Variants in EPHB1 observed in about 807,000 individuals in gnomAD.
EPHB1 encodes the protein EPH receptor B1.
In EPHB1, 30 loss-of-function variants were observed where a neutral mutation model predicts 94.4. The ratio of observed to expected loss-of-function variants is 0.32; its 90% confidence interval spans 0.24 to 0.43. The LOEUF is 0.43. Ranked by LOEUF, EPHB1 falls within the 20% of genes least tolerant of loss-of-function variation. The pLI is 1.00. For synonymous variants in EPHB1, 522 were observed against 489.1 expected (o/e 1.07, Z -0.89); for missense variants, 1,055 against 1,308.3 (o/e 0.81, Z 2.99).
chr3:134,941,784 C>CACACAT (rs2039123495), intron 2 of EPHB1, among the ~76,000 whole-genome samples: 1 of 151,716 alleles, frequency 6.6e-6, no homozygotes, highest in Non-Finnish European at 1.5e-5. Context: ...CACACACACA[C>CACACAT]ACACACACAC....
At chr3:135,124,896 G>A (rs1940137028) in intron 4 of EPHB1, among the ~76,000 whole-genome samples, 1 of 151,594 alleles carries the variant, frequency 6.6e-6, no homozygotes, top group African/African-American at 2.4e-5. Flanking sequence ...TGAGCTTGCG[G>A]TGAGACAGGC....
At chr3:134,863,692 A>C (rs1338080601) in intron 1 of EPHB1, among the ~76,000 whole-genome samples, 2 of 152,228 alleles carry the variant, frequency 1.3e-5, no homozygotes, top group African/African-American at 4.8e-5. Context: ...TTCACCACAA[A>C]GCCTGGAAAT....
intron 7 of EPHB1, among the ~76,000 whole-genome samples, chr3:135,164,542 CTCACACCTCTAA>C (rs1463977832): frequency 3.9e-5 from 6 of 152,128 alleles, no homozygotes; most frequent in Non-Finnish European, 2.9e-5. Flanking sequence ...GGCATGGTGG[CTCACACCTCTAA>C]TCCCAGCACT....
intron 3 of EPHB1, among the ~76,000 whole-genome samples, chr3:135,047,131 T>A (rs1403525386): frequency 6.6e-6 from 1 of 152,016 alleles, no homozygotes; most frequent in Non-Finnish European, 1.5e-5. Context: ...CAGGTTCACT[T>A]CTCCTACATA....
intron 13 of EPHB1, 46 bp downstream of exon 13, chr3:135,241,343 A>G: frequency 6.2e-7 from 1 of 1,610,304 alleles, no homozygotes; most frequent in Non-Finnish European, 8.5e-7. Flanking sequence ...CATTGAAGGG[A>G]TCCCAAAGGC....
intron 1 of EPHB1, among the ~76,000 whole-genome samples, chr3:134,825,832 C>G (rs375340920): frequency 6.6e-5 from 10 of 152,232 alleles, no homozygotes; most frequent in African/African-American, 2.4e-4. Context: ...GATTAAATTT[C>G]CCCCTCCCAG....
chr3:135,191,004 G>C (rs1942441746), intron 10 of EPHB1, among the ~76,000 whole-genome samples: 1 of 152,060 alleles, frequency 6.6e-6, no homozygotes, highest in Non-Finnish European at 1.5e-5. Flanking sequence ...CTACTCAGGA[G>C]GCTGAGGCAA....
At chr3:134,865,597 T>C (rs1213078976) in intron 1 of EPHB1, among the ~76,000 whole-genome samples, 1 of 151,350 alleles carries the variant, frequency 6.6e-6, no homozygotes, top group Non-Finnish European at 1.5e-5. Flanking sequence ...TCTATCATTA[T>C]AGAATTAGTT....
At chr3:134,797,819 T>A (rs1402280787) in intron 1 of EPHB1, among the ~76,000 whole-genome samples, 5 of 152,056 alleles carry the variant, frequency 3.3e-5, no homozygotes, top group Admixed American at 2.6e-4. Context: ...GCTGAAAATC[T>A]CTCCAGCAAG....
At chr3:135,213,989 C>T (rs1943085886) in intron 12 of EPHB1, among the ~76,000 whole-genome samples, 4 of 152,156 alleles carry the variant, frequency 2.6e-5, no homozygotes, top group Non-Finnish European at 2.9e-5. Context: ...CAGCCCCTTC[C>T]CCTTTGACTC....
intron 3 of EPHB1, among the ~76,000 whole-genome samples, chr3:135,012,030 C>T (rs1218684550): frequency 6.6e-6 from 1 of 152,122 alleles, no homozygotes; most frequent in Admixed American, 6.6e-5. Context: ...TATTCCATGC[C>T]AGAGAGAGTC....
At chr3:134,934,511 G>A (rs1465556403) in intron 2 of EPHB1, among the ~76,000 whole-genome samples, 4 of 152,204 alleles carry the variant, frequency 2.6e-5, no homozygotes, top group Non-Finnish European at 4.4e-5. Flanking sequence ...GCTCTGCCTG[G>A]CTCCATTGCT....
At chr3:134,962,971 T>C (rs1933580526) in intron 3 of EPHB1, among the ~76,000 whole-genome samples, 2 of 152,208 alleles carry the variant, frequency 1.3e-5, no homozygotes, top group African/African-American at 4.8e-5. Flanking sequence ...GGCTCAGCTC[T>C]GGGCTGTTGC....
At chr3:135,063,635 A>T (rs1007779852) in intron 3 of EPHB1, among the ~76,000 whole-genome samples, 1 of 152,172 alleles carries the variant, frequency 6.6e-6, no homozygotes, top group Non-Finnish European at 1.5e-5. Flanking sequence ...TCATCAGCAA[A>T]CAGTGACAGT....
intron 3 of EPHB1, among the ~76,000 whole-genome samples, chr3:135,052,553 A>G (rs2107771910): frequency 6.6e-6 from 1 of 152,120 alleles, no homozygotes; most frequent in African/African-American, 2.4e-5. Context: ...TTTCTTTCTC[A>G]TAAAGAAACC....
chr3:134,804,070 TA>T (rs1477569598), intron 1 of EPHB1, among the ~76,000 whole-genome samples: 3 of 69,162 alleles, frequency 4.3e-5, no homozygotes, highest in Non-Finnish European at 2.9e-5. Context: ...CATTATTGGC[TA>T]TTTTTTTTTT....
At chr3:134,897,589 T>G (rs1254892248) in intron 1 of EPHB1, among the ~76,000 whole-genome samples, 1 of 152,222 alleles carries the variant, frequency 6.6e-6, no homozygotes, top group Non-Finnish European at 1.5e-5. Flanking sequence ...GCATTTCCTC[T>G]GGGCAGCCTC....
chr3:134,864,281 G>T (rs111809932), intron 1 of EPHB1, among the ~76,000 whole-genome samples: 5 of 152,244 alleles, frequency 3.3e-5, no homozygotes, highest in Admixed American at 1.3e-4. Flanking sequence ...TCAGGAGAAG[G>T]TTCCCAAAGG....
intron 5 of EPHB1, among the ~76,000 whole-genome samples, chr3:135,145,310 T>C (rs959372998): frequency 6.6e-6 from 1 of 152,196 alleles, no homozygotes. Flanking sequence ...ACTTTGGTTT[T>C]TTGATATGGG....
Sources: gnomAD v4.1 joint callset for allele counts (sites outside exome capture counted in the v4.1 genomes callset) on GRCh38, gnomAD v4.1.1 for gene constraint, MANE v1.5 for transcripts, NCBI Gene and HGNC (gene_info 2026-07-23, HGNC 2026-07-21) for gene names.